The following CTNNA2 variants were observed in gnomAD, a reference collection of about 807,000 sequenced individuals.
The protein encoded by CTNNA2 is catenin alpha-2.
CTNNA2 carries 42 observed loss-of-function variants against 101.0 expected under a neutral mutation model. The ratio of observed to expected loss-of-function variants is 0.42; its 90% confidence interval spans 0.32 to 0.54. The LOEUF is 0.54. CTNNA2 is among the 20% of genes least tolerant of loss of function. The probability of loss-of-function intolerance (pLI) is 0.14; values close to 1 mark genes in which losing one functional copy is unlikely to be tolerated. For synonymous variants in CTNNA2, 450 were observed against 456.4 expected, an observed-to-expected ratio of 0.99 and a Z score of 0.18; for missense variants, 871 against 1,223.1, an observed-to-expected ratio of 0.71 and a Z score of 4.29.
intron 7 of CTNNA2, chr2:80,163,137 T>C (rs1704437262): frequency 1.3e-6 from 2 of 1,568,708 alleles, no homozygotes; most frequent in East Asian, 4.5e-5. Context: ...TTCACCTTTA[T>C]TACTGGCCCA....
At chr2:79,465,208 C>T (rs1305745481) in intron 4 of CTNNA2, among the ~76,000 whole-genome samples, 1 of 152,174 alleles carries the variant, frequency 6.6e-6, no homozygotes, top group Non-Finnish European at 1.5e-5. Flanking sequence ...ATAGGGTTAG[C>T]CAGTTTTCCC....
In CTNNA2 at chr2:80,284,480, T is replaced by A. The variant is rs116245547; in HGVS notation, c.1057-108731T>A. On this transcript the variant is annotated intron_variant, in intron 7 of 18. Transcript: ENST00000402739. The stretch of plus-strand genomic sequence containing the variant: ...TTTCTCTCTCCATCCTGATACACAG[T>A]GGTTCAAACCAGTTTCCTCTTCAGT... Among the ~76,000 whole-genome samples, 874 of 152,252 alleles carry A rather than the reference T, an allele frequency of 5.7e-3. 10 individuals carry two copies. Among genetic ancestry groups the A allele is most frequent in the African/African-American group, 0.02 (820 of 41,560 alleles).
intron 7 of CTNNA2, among the ~76,000 whole-genome samples, chr2:79,963,014 T>A (rs1029020947): frequency 7.7e-6 from 1 of 130,714 alleles, no homozygotes; most frequent in Admixed American, 1.0e-4. Flanking sequence ...GAACTTGCAG[T>A]GAGCTGAGAT....
chr2:79,950,342 A>G (rs1213556306), intron 7 of CTNNA2, among the ~76,000 whole-genome samples: 1 of 152,214 alleles, frequency 6.6e-6, no homozygotes, highest in East Asian at 1.9e-4. Context: ...GTTCTTTACA[A>G]TTATGGCCTA....
intron 7 of CTNNA2, among the ~76,000 whole-genome samples, chr2:79,912,563 C>T (rs530089869): frequency 6.6e-6 from 1 of 152,318 alleles, no homozygotes; most frequent in South Asian, 2.1e-4. Flanking sequence ...AAAATCATCA[C>T]AGATCATGGC....
Position 79,447,333 on chromosome 2 carries a change from A to T in CTNNA2, c.-134-57721A>T, listed in dbSNP as rs564254253. 2.0e-3 allele frequency among the ~76,000 whole-genome samples: 309 copies of T among 152,092 alleles called. 1 individual carries two copies. The highest frequency in any genetic ancestry group is 7.1e-3 in the African/African-American group (296 of 41,522). On this transcript the variant is annotated intron_variant, in intron 4 of 21. Transcript: ENST00000466387. Reference sequence around the variant, plus strand: ...GACGTTAGCCTTATGCTATAAAAAAATTTTTTTCCAGGAAAAAAATCGACA... The same window carrying T: ...GACGTTAGCCTTATGCTATAAAAAATTTTTTTTCCAGGAAAAAAATCGACA...
chr2:80,375,013 A>G (rs1675807094), intron 7 of CTNNA2, among the ~76,000 whole-genome samples: 1 of 152,060 alleles, frequency 6.6e-6, no homozygotes, highest in South Asian at 2.1e-4. Context: ...TTCAGCCCAG[A>G]TGATGTGATT....
Position 80,303,803 on chromosome 2 carries a change from A to T in CTNNA2, c.1057-89408A>T. The T allele has an allele frequency of 6.6e-7, 1 of 1,513,368 alleles. No homozygotes were observed. Among genetic ancestry groups the T allele is most frequent in the Middle Eastern group, 1.8e-4 (1 of 5,592 alleles). The allele number at this position is 1,513,368 out of a possible 1,614,324, so 93.7% of individuals were successfully genotyped here. The stretch of plus-strand genomic sequence containing the variant: ...CAGCAGCCAGTATAGACAGAGACCG[A>T]GCAGCAGGAAATCCATTAGCGAGAA... On this transcript the variant is annotated intron_variant, in intron 7 of 18. Coordinates refer to ENST00000402739, the MANE Select transcript of CTNNA2 (RefSeq NM_001282597.3). This position sits in a 1 kb window ranked among gnomAD's most constrained non-coding sequence, Gnocchi z 7.7.
At chr2:79,561,462 G>T (rs10198657) in intron 1 of CTNNA2, among the ~76,000 whole-genome samples, 6,107 of 151,902 alleles carry the variant, frequency 0.04, 188 homozygotes, top group African/African-American at 0.082. Flanking sequence ...GAGTGGAATC[G>T]TTTAGTTGCA....
chr2:80,322,512 TCCCCGCGGGGCTGCCTGCAG>T (rs966827771), intron 7 of CTNNA2, among the ~76,000 whole-genome samples: 16 of 151,748 alleles, frequency 1.1e-4, no homozygotes, highest in Admixed American at 6.6e-5. Flanking sequence ...GCGGCTACGC[TCCCCGCGGGGCTGCCTGCAG>T]CCCCCGGGCC....
intron 15 of CTNNA2, among the ~76,000 whole-genome samples, chr2:80,600,419 A>G (rs72823782): frequency 0.046 from 6,931 of 152,094 alleles, 204 homozygotes; most frequent in Non-Finnish European, 0.069. Context: ...GAAACCTAAC[A>G]TATAGACCAA....
chr2:80,266,798 G>A (rs997955198), intron 7 of CTNNA2, among the ~76,000 whole-genome samples: 1 of 152,172 alleles, frequency 6.6e-6, no homozygotes, highest in African/African-American at 2.4e-5. Flanking sequence ...AGATCTGTGT[G>A]TGCCCAGGTC....
chr2:79,723,971 C>T (rs1356453234), intron 2 of CTNNA2, among the ~76,000 whole-genome samples: 1 of 152,126 alleles, frequency 6.6e-6, no homozygotes, highest in African/African-American at 2.4e-5. Context: ...GCGTCTGATG[C>T]ACATATTGCT....
chr2:79,704,510 C>CAT (rs1553454271), intron 2 of CTNNA2, among the ~76,000 whole-genome samples: 11 of 127,570 alleles, frequency 8.6e-5, no homozygotes, highest in Non-Finnish European at 4.9e-5. Context: ...ACTTGTGCTT[C>CAT]TTTTTTTTTT....
At chr2:80,274,978 A>T (rs953635071) in intron 7 of CTNNA2, among the ~76,000 whole-genome samples, 22 of 152,240 alleles carry the variant, frequency 1.4e-4, no homozygotes, top group African/African-American at 5.1e-4. Flanking sequence ...TATCTCCACC[A>T]TCAATTATAG....
chr2:79,966,381 C>T (rs1690062113), intron 7 of CTNNA2, among the ~76,000 whole-genome samples: 1 of 151,968 alleles, frequency 6.6e-6, no homozygotes, highest in South Asian at 2.1e-4. Context: ...GACCACAGGC[C>T]CCCTCCACCA....
chr2:80,136,710 A>G (rs1558841704), intron 7 of CTNNA2, among the ~76,000 whole-genome samples: 1 of 152,044 alleles, frequency 6.6e-6, no homozygotes, highest in South Asian at 2.1e-4. Flanking sequence ...AGGGCCATTG[A>G]TCTTTATACC....
chr2:79,362,665 A>C (rs1166278708), intron 3 of CTNNA2, among the ~76,000 whole-genome samples: 3 of 152,348 alleles, frequency 2.0e-5, no homozygotes, highest in Non-Finnish European at 4.4e-5. Flanking sequence ...AAACAGAAGA[A>C]GTATACACCA....
intron 4 of CTNNA2, among the ~76,000 whole-genome samples, chr2:79,480,417 T>C (rs1020490714): frequency 1.4e-4 from 22 of 152,204 alleles, no homozygotes; most frequent in Admixed American, 9.8e-4. Context: ...GGCATCCATA[T>C]ACTTAATCAG....
Sources: allele counts gnomAD v4.1 joint callset (sites outside exome capture counted in the v4.1 genomes callset), GRCh38; gene constraint gnomAD v4.1.1; non-coding constraint Gnocchi (gnomAD v3.1); transcripts MANE v1.5; gene names NCBI Gene and HGNC (gene_info 2026-07-23, HGNC 2026-07-21).